The following APBB2 variants were observed in gnomAD, a reference collection of about 807,000 sequenced individuals.
The protein encoded by APBB2 is Fe65-like 1.
APBB2 carries 38 observed loss-of-function variants against 82.5 expected under a neutral mutation model. The ratio of observed to expected loss-of-function variants is 0.46; its 90% CI spans 0.36 to 0.60. The LOEUF (loss-of-function observed/expected upper bound fraction) is 0.60, where lower values mean the gene tolerates loss of function less well. Among genes scored for constraint, APBB2 ranks in the 20% least tolerant of loss-of-function variants. APBB2 has a pLI of 0.00. For synonymous variants in APBB2, 341 were observed against 368.2 expected, an observed-to-expected ratio of 0.93 and a Z score of 0.85; for missense variants, 772 against 972.3, an observed-to-expected ratio of 0.79 and a Z score of 2.74.
intron 10 of APBB2, among the ~76,000 whole-genome samples, chr4:40,926,934 G>C (rs1782756308): frequency 6.6e-6 from 1 of 152,218 alleles, no homozygotes; most frequent in South Asian, 2.1e-4. Context: ...GCCTGGCAGA[G>C]GGGAGGGCAC....
chr4:41,018,459 T>C (rs757053328), intron 5 of APBB2, among the ~76,000 whole-genome samples: 1 of 151,944 alleles, frequency 6.6e-6, no homozygotes, highest in Non-Finnish European at 1.5e-5. Flanking sequence ...AATCAAGACA[T>C]GAAAGGAGAG....
intron 10 of APBB2, among the ~76,000 whole-genome samples, chr4:40,904,684 CT>C (rs5857754): frequency 0.044 from 5,855 of 133,762 alleles, 330 homozygotes; most frequent in African/African-American, 0.14. Context: ...TTTGTTATTG[CT>C]TTTTTTTTTT....
intron 2 of APBB2, among the ~76,000 whole-genome samples, chr4:41,135,923 A>G (rs966105800): frequency 6.6e-6 from 1 of 152,156 alleles, no homozygotes. Flanking sequence ...CTCTTGCCTC[A>G]GCCTCCTGAA....
At chr4:40,963,732 C>T (rs1435244731) in intron 6 of APBB2, among the ~76,000 whole-genome samples, 3 of 152,196 alleles carry the variant, frequency 2.0e-5, no homozygotes, top group East Asian at 1.9e-4. Flanking sequence ...TGACAATAAT[C>T]GCCTATTTTG....
intron 10 of APBB2, among the ~76,000 whole-genome samples, chr4:40,922,182 A>T (rs984379528): frequency 1.3e-5 from 2 of 152,246 alleles, no homozygotes; most frequent in East Asian, 3.8e-4. Context: ...ATGAAGCAAC[A>T]GAAATCCAAC....
intron 1 of APBB2, among the ~76,000 whole-genome samples, chr4:41,192,594 A>G (rs754264643): frequency 3.9e-5 from 6 of 152,210 alleles, no homozygotes; most frequent in Non-Finnish European, 5.9e-5. Context: ...AAAAAATTTA[A>G]TATCAAACAT....
intron 10 of APBB2, among the ~76,000 whole-genome samples, chr4:40,917,386 G>A (rs1488673966): frequency 3.3e-5 from 5 of 152,054 alleles, no homozygotes; most frequent in Admixed American, 2.6e-4. Flanking sequence ...CAGCAGAGAC[G>A]GGTGAACAGT....
chr4:41,185,931 A>G (rs562643701), intron 1 of APBB2, among the ~76,000 whole-genome samples: 1 of 152,340 alleles, frequency 6.6e-6, no homozygotes, highest in Admixed American at 6.5e-5. Context: ...GTTTAATACC[A>G]AAAACACCCC....
intron 12 of APBB2, among the ~76,000 whole-genome samples, chr4:40,845,588 C>CAAAAAAAAAAAAAAAAAAAAAAA (rs71198606): frequency 1.8e-5 from 1 of 56,478 alleles, no homozygotes; most frequent in Non-Finnish European, 3.0e-5. Context: ...GGAAATTCCT[C>CAAAAAAAAAAAAAAAAAAAAAAA]AAAAAAAAAA....
intron 10 of APBB2, among the ~76,000 whole-genome samples, chr4:40,933,079 G>C (rs1784602722): frequency 6.6e-6 from 1 of 152,150 alleles, no homozygotes; most frequent in Admixed American, 6.5e-5. Context: ...GGCCAGTCTG[G>C]GCTTGAACTC....
At chr4:41,003,516 A>C (rs1435854097) in intron 6 of APBB2, among the ~76,000 whole-genome samples, 2 of 152,264 alleles carry the variant, frequency 1.3e-5, no homozygotes, top group East Asian at 3.9e-4. Context: ...AATTAAATTG[A>C]GGTGAAGTCA....
At chr4:41,196,001 C>T in intron 1 of APBB2, among the ~76,000 whole-genome samples, 1 of 150,498 alleles carries the variant, frequency 6.6e-6, no homozygotes, top group Non-Finnish European at 1.5e-5. Flanking sequence ...TCTACCGAAA[C>T]TACAAAAAAT....
intron 6 of APBB2, among the ~76,000 whole-genome samples, chr4:40,995,736 T>C (rs1022721915): frequency 6.6e-6 from 1 of 152,098 alleles, no homozygotes; most frequent in Non-Finnish European, 1.5e-5. Flanking sequence ...GGTCTTGCCA[T>C]GTTGCCCAGG....
intron 6 of APBB2, among the ~76,000 whole-genome samples, chr4:40,972,204 G>A (rs1796089281): frequency 6.6e-6 from 1 of 152,032 alleles, no homozygotes; most frequent in South Asian, 2.1e-4. Flanking sequence ...CGAGGTGGGT[G>A]GATCACAGGG....
At chr4:40,872,859 G>T (rs566021457) in intron 12 of APBB2, among the ~76,000 whole-genome samples, 2 of 152,038 alleles carry the variant, frequency 1.3e-5, no homozygotes, top group South Asian at 4.2e-4. Context: ...GCTGAGGCGG[G>T]TGGATCACCT....
intron 5 of APBB2, among the ~76,000 whole-genome samples, chr4:41,032,850 T>C (rs1238406687): frequency 1.6e-5 from 2 of 128,808 alleles, no homozygotes; most frequent in Admixed American, 9.7e-5. Context: ...AGTGGCGCGA[T>C]CTCGACTCAC....
At chr4:41,158,049 G>C (rs1763930579) in intron 1 of APBB2, among the ~76,000 whole-genome samples, 1 of 152,038 alleles carries the variant, frequency 6.6e-6, no homozygotes, top group Non-Finnish European at 1.5e-5. Flanking sequence ...CATTTCCCAA[G>C]GTAATCTCAC....
At chr4:41,126,249 T>C (rs922900145) in intron 2 of APBB2, among the ~76,000 whole-genome samples, 1 of 148,638 alleles carries the variant, frequency 6.7e-6, no homozygotes, top group African/African-American at 2.5e-5. Flanking sequence ...CTGGGCATGG[T>C]GGTGCATGCC....
At chr4:40,835,260 A>G (rs1456390344) in intron 12 of APBB2, among the ~76,000 whole-genome samples, 2 of 147,678 alleles carry the variant, frequency 1.4e-5, no homozygotes, top group African/African-American at 5.1e-5. Flanking sequence ...TGGGTGAGAG[A>G]GCAAGATTCC....
Sources: gnomAD v4.1 joint callset for allele counts (sites outside exome capture counted in the v4.1 genomes callset) on GRCh38, gnomAD v4.1.1 for gene constraint, MANE v1.5 for transcripts, NCBI Gene and HGNC (gene_info 2026-07-23, HGNC 2026-07-21) for gene names.